The following RORA variants were observed in gnomAD, a reference collection of about 807,000 sequenced individuals.
RORA encodes RAR related orphan receptor A, also known as nuclear receptor ROR-alpha.
In RORA, 7 loss-of-function variants were observed where a neutral mutation model predicts 69.5. That is an observed-to-expected ratio of 0.10 (90% confidence interval 0.06 to 0.19). The LOEUF is 0.19. Ranked by LOEUF, RORA falls within the 10% of genes least tolerant of loss-of-function variation. The probability of loss-of-function intolerance (pLI) is 1.00; values close to 1 mark genes in which losing one functional copy is unlikely to be tolerated. For missense variants in RORA, 457 were observed against 663.0 expected, an observed-to-expected ratio of 0.69 and a Z score of 3.41; for synonymous variants, 261 against 240.8, an observed-to-expected ratio of 1.08 and a Z score of -0.78.
chr15:60,711,001 A>G (rs2071135764), intron 1 of RORA, among the ~76,000 whole-genome samples: 1 of 152,170 alleles, frequency 6.6e-6, no homozygotes. Flanking sequence ...CATGCTTAAC[A>G]CTGCTGGGAA....
chr15:60,613,269 G>T (rs971754645), intron 2 of RORA, among the ~76,000 whole-genome samples: 6 of 152,022 alleles, frequency 3.9e-5, no homozygotes, highest in African/African-American at 1.5e-4. Flanking sequence ...GTAATATACA[G>T]GGGCGTCACT....
At chr15:60,942,354 C>T (rs528806839) in intron 1 of RORA, among the ~76,000 whole-genome samples, 1 of 152,320 alleles carries the variant, frequency 6.6e-6, no homozygotes, top group South Asian at 2.1e-4. Context: ...CAGTGCTCTT[C>T]CCCCTAGTGC....
At chr15:61,167,914 G>T (rs985440747) in intron 1 of RORA, among the ~76,000 whole-genome samples, 1 of 152,138 alleles carries the variant, frequency 6.6e-6, no homozygotes, top group African/African-American at 2.4e-5. Flanking sequence ...TGCAAAGATG[G>T]TTCTAACATT....
intron 1 of RORA, among the ~76,000 whole-genome samples, chr15:60,899,873 C>T (rs1044320576): frequency 1.3e-5 from 2 of 152,218 alleles, no homozygotes; most frequent in South Asian, 4.1e-4. Flanking sequence ...GCTGTTAAGG[C>T]CTTCCCTAAT....
intron 1 of RORA, among the ~76,000 whole-genome samples, chr15:60,977,252 A>G (rs2140356906): frequency 6.6e-6 from 1 of 152,224 alleles, no homozygotes; most frequent in South Asian, 2.1e-4. Flanking sequence ...GGGGTCGTAA[A>G]TGCAATTCAG....
chr15:61,061,974 A>G lies in RORA; in HGVS notation c.166+167079T>C, dbSNP rs909765121. ...GCTACTTGGGAGGCTGAGGCAGGAG[A>G]ATCCCTTGAACCTAGGAGACGGAGG... On this transcript the variant is annotated intron_variant, in intron 1 of 10. Coordinates refer to ENST00000335670, the MANE Select transcript of RORA (RefSeq NM_134261.3). This position sits in a 1 kb window ranked among gnomAD's most constrained non-coding sequence, Gnocchi z 4.4. Among the ~76,000 whole-genome samples, 3 of 152,138 alleles carry G rather than the reference A, an allele frequency of 2.0e-5. No individual in the cohort carries two copies. Among genetic ancestry groups the G allele is most frequent in the Non-Finnish European group, 4.4e-5 (3 of 68,024 alleles).
At chr15:60,964,462 GT>G (rs1893495315) in intron 1 of RORA, among the ~76,000 whole-genome samples, 1 of 152,168 alleles carries the variant, frequency 6.6e-6, no homozygotes. Flanking sequence ...GAGGAATAGT[GT>G]GAGGGTGGGG....
chr15:60,911,373 A>G (rs1008542017), intron 1 of RORA, among the ~76,000 whole-genome samples: 7 of 152,158 alleles, frequency 4.6e-5, no homozygotes, highest in African/African-American at 1.7e-4. Flanking sequence ...TTCCACGGCC[A>G]TGTTTGAGAA....
rs1484533750 is a variant in RORA, at chr15:60,531,655, T to A, written c.282+111A>T. 6 of 624,372 alleles carry A rather than the reference T, an allele frequency of 9.6e-6. No individual in the cohort carries two copies. The East Asian group carries it at 2.0e-4, about 21-fold the overall frequency. 38.7% of individuals were successfully genotyped at this position (624,372 alleles called of 1,614,324 possible). A position where few individuals can be genotyped will look rare whatever the true frequency, so the allele number is the denominator to read the frequency against. On this transcript the variant is annotated intron_variant, in intron 3 of 10. Transcript: ENST00000335670. This position sits in a 1 kb window ranked among gnomAD's most constrained non-coding sequence, Gnocchi z 4.8. ...ATTTCTTCTATCCTGTAATTTCTTA[T>A]CATTCAAAATTCTAAGGAGTTGAAT...
At chr15:60,650,495 C>A (rs2140695387) in intron 2 of RORA, 1 of 152,278 alleles carries the variant, frequency 6.6e-6, no homozygotes, top group African/African-American at 2.4e-5. Context: ...TTCCAAACAC[C>A]TTTCAAACCA....
rs78602239 is a variant in RORA, at chr15:60,675,785, C to T, written c.196+2872G>A. On this transcript the variant is annotated intron_variant, in intron 2 of 10. Transcript: ENST00000335670. ...ATCTGGTGTCACAACTATTCAGGCT[C>T]ATTTTGCAGTATGTGCACCTCTGTC... Among the ~76,000 whole-genome samples the T allele has an allele frequency of 6.2e-3, 950 of 152,308 alleles. 46 individuals carry two copies. The East Asian group carries it at 0.091, about 15-fold the overall frequency.
chr15:60,751,121 C>A (rs1231411276), intron 1 of RORA, among the ~76,000 whole-genome samples: 2 of 152,162 alleles, frequency 1.3e-5, no homozygotes, highest in Non-Finnish European at 2.9e-5. Flanking sequence ...CAGTCAGAGG[C>A]CCTAAGGAGT....
At position 60,511,313 on chromosome 15, in the gene RORA, A is replaced by G. The variant is rs199984051; in HGVS notation, c.733T>C (p.Cys245Arg). The change falls in exon 5 of 11, where the codon TGT (cysteine) becomes CGT (arginine). Residue 245 changes from cysteine (C) to arginine (R), a missense_variant. By Grantham distance (180) the Cys-to-Arg change is radical (BLOSUM62 -3). Coordinates refer to ENST00000335670, the MANE Select transcript of RORA (RefSeq NM_134261.3). The surrounding 1 kb of genome is among the most constrained non-coding windows in gnomAD (Gnocchi z 6.4). ...DINGIKPEPI[C>R]DYTPASGFFP... ...AAGCCTGATGCTGGTGTGTAGTCAC[A>G]TATTGGTTCTGGTTTGATTCCATTG... 10 of 1,614,166 alleles carry G rather than the reference A, an allele frequency of 6.2e-6. No homozygotes were observed. The Admixed American group carries it at 1.2e-4, about 19-fold the overall frequency.
chr15:60,728,289 G>T (rs1052400372), intron 1 of RORA, among the ~76,000 whole-genome samples: 6 of 152,050 alleles, frequency 3.9e-5, no homozygotes, highest in Non-Finnish European at 7.4e-5. Context: ...CCATAACCAA[G>T]AGACAAATAT....
chr15:61,080,407 G>C (rs2078522042), intron 1 of RORA, among the ~76,000 whole-genome samples: 1 of 152,164 alleles, frequency 6.6e-6, no homozygotes, highest in Admixed American at 6.5e-5. Flanking sequence ...AGGACCATGT[G>C]TCAGCACTAT....
intron 1 of RORA, among the ~76,000 whole-genome samples, chr15:60,833,803 T>G (rs555220180): frequency 6.6e-6 from 1 of 152,350 alleles, no homozygotes; most frequent in East Asian, 1.9e-4. Flanking sequence ...AGAACATAGC[T>G]TAGGAGTTAG....
chr15:60,909,483 C>A (rs1460746447), intron 1 of RORA, among the ~76,000 whole-genome samples: 1 of 152,146 alleles, frequency 6.6e-6, no homozygotes. Context: ...TCAAACATAG[C>A]CTTTATCGAA....
chr15:61,040,144 ATATATATATATATATATAT>A (rs1896682776), intron 1 of RORA, among the ~76,000 whole-genome samples: 1 of 119,202 alleles, frequency 8.4e-6, no homozygotes, highest in Non-Finnish European at 1.8e-5. Flanking sequence ...ATATATATAT[ATATATATATATATATATAT>A]AAAATATATG....
chr15:60,878,985 G>C (rs1314794050), intron 1 of RORA, among the ~76,000 whole-genome samples: 1 of 152,204 alleles, frequency 6.6e-6, no homozygotes, highest in Non-Finnish European at 1.5e-5. Flanking sequence ...AGCTTGTGCA[G>C]GTTTTGGGAC....
Sources: allele counts gnomAD v4.1 joint callset (sites outside exome capture counted in the v4.1 genomes callset), GRCh38; gene constraint gnomAD v4.1.1; non-coding constraint Gnocchi (gnomAD v3.1); transcripts MANE v1.5; gene names NCBI Gene and HGNC (gene_info 2026-07-23, HGNC 2026-07-21).